The following TM6SF2 variants were observed in gnomAD, a reference collection of about 807,000 sequenced individuals.
TM6SF2 encodes the protein transmembrane 6 superfamily member 2.
TM6SF2 carries 29 observed loss-of-function variants against 41.0 expected under a neutral mutation model. The observed-to-expected ratio is 0.71, with a 90% CI of 0.53 to 0.96. The LOEUF (loss-of-function observed/expected upper bound fraction) is 0.96, where lower values mean the gene tolerates loss of function less well. Among genes scored for constraint, TM6SF2 ranks in the 50% least tolerant of loss-of-function variants. The probability of loss-of-function intolerance (pLI) is 0.00; values close to 1 mark genes in which losing one functional copy is unlikely to be tolerated. For missense variants in TM6SF2, 475 were observed against 499.0 expected (o/e 0.95, Z 0.46); for synonymous variants, 200 against 209.1 (o/e 0.96, Z 0.37).
At position 19,266,535 on chromosome 19, in the gene TM6SF2, G is replaced by A. The variant is rs201639037; in HGVS notation, c.879C>T (p.Ser293=). 4.9e-4 allele frequency: 788 copies of A among 1,614,054 alleles called. 3 individuals are homozygous for A. Among genetic ancestry groups the A allele is most frequent in the Non-Finnish European group, 6.3e-5 (74 of 1,179,962 alleles). ...ACACCAAGGCCCAGTCTGGAAGCCA[G>A]GAGCAACCAGGGAAGGTGAGAGCAT... ...AAYALTFPGC[S]WLPDWALVFA... The change falls in exon 9 of 10, where the codon TCC becomes TCT. Residue 293 remains serine (S), a synonymous_variant. Coordinates refer to ENST00000389363, the MANE Select transcript of TM6SF2 (RefSeq NM_001001524.3).
intron 1 of TM6SF2, among the ~76,000 whole-genome samples, chr19:19,271,523 T>C (rs1020625905): frequency 1.3e-5 from 2 of 151,918 alleles, no homozygotes; most frequent in Non-Finnish European, 2.9e-5. Context: ...TTTCTTTTTC[T>C]TTCTTTCTCT....
intron 1 of TM6SF2, 26 bp from the exon 2 acceptor site, chr19:19,271,151 G>C: frequency 6.3e-7 from 1 of 1,591,992 alleles, no homozygotes; most frequent in Non-Finnish European, 8.6e-7. Flanking sequence ...CCAAGTCAGG[G>C]AGGCCAGGCC....
Position 19,266,487 on chromosome 19 carries a change from C to A in TM6SF2, c.924+3G>T. ...CTGCTCACCCACCCATCCGCCACCT[C>A]ACCTGGCCGATGCCTCCAGCAAACA... On this transcript the variant is annotated splice_donor_region_variant and intron_variant, in intron 9 of 9. Coordinates refer to ENST00000389363, the MANE Select transcript of TM6SF2 (RefSeq NM_001001524.3). The A allele has an allele frequency of 4.3e-6, 7 of 1,613,870 alleles. No homozygotes were observed. The highest frequency in any genetic ancestry group is 5.9e-6 in the Non-Finnish European group (7 of 1,179,876).
Position 19,273,133 on chromosome 19 carries a change from G to A in TM6SF2, c.83C>T (p.Ser28Leu), listed in dbSNP as rs772045939. ...LPVSYALNHV[S>L]ALSHPLWVAL... ...TCTCCGCACGCACTGCGAGAGCGCC[G>A]AGACGTGGTTGAGCGCGTAGGACAC... Residue 28 changes from serine to leucine, a missense_variant, in exon 1 of 10, where the codon TCG (serine) becomes TTG (leucine). By Grantham distance (145) the Ser-to-Leu change is moderately radical. Around this residue, in one of 3 missense-constraint regions of TM6SF2, gnomAD observed 238 missense variants for 228.6 expected, o/e 1.04. Coordinates refer to ENST00000389363, the MANE Select transcript of TM6SF2 (RefSeq NM_001001524.3). 3.7e-6 allele frequency: 5 copies of A among 1,335,988 alleles called. No individual in the cohort carries two copies. Among genetic ancestry groups the A allele is most frequent in the Non-Finnish European group, 4.9e-6 (5 of 1,029,782 alleles). The allele number at this position is 1,335,988 out of a possible 1,614,324, so 82.8% of individuals were successfully genotyped here. A position where few individuals can be genotyped will look rare whatever the true frequency, so the allele number is the denominator to read the frequency against.
chr19:19,268,921 G>T (rs989789326), intron 5 of TM6SF2, among the ~76,000 whole-genome samples, 167 bp from the exon 6 acceptor site: 1 of 152,182 alleles, frequency 6.6e-6, no homozygotes, highest in Non-Finnish European at 1.5e-5. Context: ...CAATTCTCTT[G>T]TCTCAGCCTC....
intron 1 of TM6SF2, among the ~76,000 whole-genome samples, 195 bp downstream of exon 1, chr19:19,272,926 A>T (rs968915078): frequency 6.6e-6 from 1 of 152,084 alleles, no homozygotes; most frequent in Non-Finnish European, 1.5e-5. Flanking sequence ...CCCGGCGGGA[A>T]GGGGACTTCC....
intron 8 of TM6SF2, 174 bp from the exon 9 acceptor site, chr19:19,266,783 C>A (rs1207687198): frequency 8.5e-6 from 6 of 707,142 alleles, no homozygotes; most frequent in Non-Finnish European, 1.4e-5. Flanking sequence ...TGCCCCCAAC[C>A]CCCGAACACA....
intron 9 of TM6SF2, among the ~76,000 whole-genome samples, chr19:19,265,407 C>CT (rs1478604397): frequency 0.015 from 1,282 of 87,632 alleles, 10 homozygotes; most frequent in East Asian, 0.067. Flanking sequence ...TCTATCTATC[C>CT]ATCCATCCAT....
At position 19,268,763 on chromosome 19, in the gene TM6SF2, GT is replaced by G; in HGVS notation, c.485-10del. 6.3e-7 allele frequency: 1 copy of G among 1,587,248 alleles called. No individual in the cohort carries two copies. Among genetic ancestry groups the G allele is most frequent in the East Asian group, 2.4e-5 (1 of 42,382 alleles). ...CTCGGAGCTGTATTTGCCTTCCATG[GT>G]GCAGGAGAGAGGGCATCAGCCATGC... On this transcript the variant is annotated splice_polypyrimidine_tract_variant and intron_variant, in intron 5 of 9. Transcript: ENST00000389363.
intron 9 of TM6SF2, among the ~76,000 whole-genome samples, chr19:19,265,797 C>G (rs1036098665): frequency 6.6e-6 from 1 of 152,098 alleles, no homozygotes; most frequent in Non-Finnish European, 1.5e-5. Flanking sequence ...TGAGTCCCCC[C>G]CAACTTGCCT....
At chr19:19,270,503 GC>G in intron 2 of TM6SF2, 61 bp from the exon 3 acceptor site, 2 of 1,541,360 alleles carry the variant, frequency 1.3e-6, no homozygotes, top group South Asian at 2.4e-5. Context: ...TGGGGCTAGG[GC>G]TTAGTGTGGG....
chr19:19,269,382 G>A (rs999783145), intron 5 of TM6SF2, among the ~76,000 whole-genome samples: 2 of 152,170 alleles, frequency 1.3e-5, no homozygotes, highest in South Asian at 2.1e-4. Context: ...TACCCCTGAA[G>A]CTTTCACCCT....
chr19:19,271,457 A>G (rs1410888478), intron 1 of TM6SF2, among the ~76,000 whole-genome samples: 1 of 152,116 alleles, frequency 6.6e-6, no homozygotes, highest in African/African-American at 2.4e-5. Context: ...CTAGCTACAG[A>G]GGGGATATTC....
intron 2 of TM6SF2, 144 bp from the exon 3 acceptor site, chr19:19,270,586 C>G: frequency 9.9e-7 from 1 of 1,012,600 alleles, no homozygotes; most frequent in South Asian, 1.6e-5. Context: ...CTGCCCCAAC[C>G]CCAAAGGTTG....
chr19:19,268,208 C>CTTTTT, intron 6 of TM6SF2, 121 bp from the exon 7 acceptor site: 3 of 562,340 alleles, frequency 5.3e-6, no homozygotes, highest in South Asian at 5.0e-5. Flanking sequence ...TTTCTTTTTT[C>CTTTTT]TTTTTTTTTT....
intron 9 of TM6SF2, among the ~76,000 whole-genome samples, chr19:19,265,793 C>G (rs1382159395): frequency 6.6e-6 from 1 of 151,958 alleles, no homozygotes; most frequent in Non-Finnish European, 1.5e-5. Context: ...TCTGTGAGTC[C>G]CCCCCAACTT....
intron 1 of TM6SF2, among the ~76,000 whole-genome samples, chr19:19,272,426 A>C (rs1026432515): frequency 6.6e-6 from 1 of 152,210 alleles, no homozygotes; most frequent in Non-Finnish European, 1.5e-5. Context: ...CCAGGATCCC[A>C]GGAGATGGAG....
chr19:19,269,693 T>A lies in TM6SF2; in HGVS notation c.478A>T (p.Ile160Phe). 1 of 1,614,132 alleles carries A rather than the reference T, an allele frequency of 6.2e-7. No individual in the cohort carries two copies. The highest frequency in any genetic ancestry group is 2.2e-5 in the East Asian group (1 of 44,874). The change falls in exon 5 of 10, where the codon ATT (isoleucine) becomes TTT (phenylalanine). Residue 160 changes from isoleucine (I) to phenylalanine (F), a missense_variant. Transcript: ENST00000389363. The stretch of plus-strand genomic sequence containing the variant: ...CCCAAAGCCTTGTCCTTACCAAGAA[T>A]GTTTCCTGTAAGGAACACCAGGATG... Reference protein sequence around the residue: ...MSILVFLTGNILGKYSSEIRP... With the variant: ...MSILVFLTGNFLGKYSSEIRP...
intron 9 of TM6SF2, among the ~76,000 whole-genome samples, chr19:19,265,554 C>T (rs890137864): frequency 6.6e-6 from 1 of 152,044 alleles, no homozygotes; most frequent in Non-Finnish European, 1.5e-5. Flanking sequence ...GAGTAGCTAG[C>T]ACAGCAGGCA....
Sources: allele counts gnomAD v4.1 joint callset (sites outside exome capture counted in the v4.1 genomes callset), GRCh38; gene constraint gnomAD v4.1.1; regional missense constraint gnomAD v4.1.1; transcripts MANE v1.5; gene names NCBI Gene and HGNC (gene_info 2026-07-23, HGNC 2026-07-21).